The following WWOX variants were observed in gnomAD, a reference collection of about 807,000 sequenced individuals.
WWOX encodes the protein WW domain-containing oxidoreductase.
A neutral mutation model predicts 46.2 loss-of-function variants in WWOX; 69 were observed. The observed-to-expected ratio is 1.49, with a 90% confidence interval of 1.23 to 1.82. The LOEUF is 1.82. WWOX is among the 40% of genes most tolerant of loss of function. The probability of loss-of-function intolerance (pLI) is 0.00; values close to 1 mark genes in which losing one functional copy is unlikely to be tolerated. For synonymous variants in WWOX, 359 were observed against 202.6 expected (o/e 1.77, Z -6.56); for missense variants, 919 against 542.6 (o/e 1.69, Z -6.89).
At chr16:78,884,273 C>CAA (rs71384384) in intron 8 of WWOX, among the ~76,000 whole-genome samples, 2,593 of 46,500 alleles carry the variant, frequency 0.056, 137 homozygotes, top group East Asian at 0.34. Flanking sequence ...ACCCTGTCTC[C>CAA]AAAAAAAAAA....
intron 6 of WWOX, among the ~76,000 whole-genome samples, chr16:78,406,725 C>G (rs1004772984): frequency 2.0e-5 from 3 of 151,194 alleles, no homozygotes; most frequent in Non-Finnish European, 4.4e-5. Flanking sequence ...CTCCGGGGTT[C>G]AAGCGATTCT....
chr16:78,908,541 G>GAAA (rs111272074), intron 8 of WWOX, among the ~76,000 whole-genome samples: 331 of 145,978 alleles, frequency 2.3e-3, no homozygotes, highest in Middle Eastern at 7.1e-3. Context: ...CTCTGTCTCG[G>GAAA]AAAAAAAAAA....
chr16:78,678,443 T>C (rs1318725190), intron 8 of WWOX, among the ~76,000 whole-genome samples: 1 of 152,206 alleles, frequency 6.6e-6, no homozygotes, highest in Non-Finnish European at 1.5e-5. Flanking sequence ...CCTCAATCTT[T>C]ATAGAAACTC....
At chr16:78,662,448 A>G (rs2142175932) in intron 8 of WWOX, among the ~76,000 whole-genome samples, 1 of 152,008 alleles carries the variant, frequency 6.6e-6, no homozygotes, top group East Asian at 1.9e-4. Flanking sequence ...ACAGTATTGG[A>G]AATTATTACT....
chr16:78,314,568 A>G (rs1288837143), intron 5 of WWOX, among the ~76,000 whole-genome samples: 1 of 136,676 alleles, frequency 7.3e-6, no homozygotes. Context: ...CTTGTCGCCC[A>G]GGCTGGAGTG....
intron 4 of WWOX, among the ~76,000 whole-genome samples, chr16:78,144,600 C>T (rs1325235286): frequency 6.9e-6 from 1 of 144,204 alleles, no homozygotes; most frequent in East Asian, 2.0e-4. Context: ...GAGCTCACTG[C>T]AACCTCTGCC....
intron 5 of WWOX, among the ~76,000 whole-genome samples, chr16:78,295,114 G>T (rs1303287780): frequency 6.6e-6 from 1 of 152,124 alleles, no homozygotes; most frequent in Non-Finnish European, 1.5e-5. Flanking sequence ...GGAAATCCAG[G>T]AGTCTCATGT....
intron 8 of WWOX, among the ~76,000 whole-genome samples, chr16:78,960,481 T>G (rs1320383315): frequency 6.6e-6 from 1 of 152,234 alleles, no homozygotes; most frequent in Non-Finnish European, 1.5e-5. Context: ...TTGCTTTAGC[T>G]TAAATCTACT....
At chr16:78,179,295 G>C (rs1442843840) in intron 5 of WWOX, among the ~76,000 whole-genome samples, 1 of 152,190 alleles carries the variant, frequency 6.6e-6, no homozygotes, top group Non-Finnish European at 1.5e-5. Context: ...AATTAGTAAA[G>C]TCATTTGTCC....
intron 8 of WWOX, among the ~76,000 whole-genome samples, chr16:78,764,082 T>G (rs7204667): frequency 0.2 from 30,500 of 152,068 alleles, 4,750 homozygotes; most frequent in African/African-American, 0.44. Context: ...GAAGGGTTGA[T>G]GTGAGTAGGA....
intron 5 of WWOX, among the ~76,000 whole-genome samples, chr16:78,359,424 C>G (rs1364521122): frequency 6.6e-6 from 1 of 152,052 alleles, no homozygotes; most frequent in Non-Finnish European, 1.5e-5. Flanking sequence ...ATCATGAGAG[C>G]CCCCAAATTG....
Position 79,061,773 on chromosome 16 carries a change from T to C in WWOX, c.1057-149835T>C, listed in dbSNP as rs143347602. ...AAGGTTTTGAGCATATTAACAGCAATACTGATCATAGCTAATATGCCTCTA... is the reference window on the plus strand; with the variant it reads ...AAGGTTTTGAGCATATTAACAGCAACACTGATCATAGCTAATATGCCTCTA... On this transcript the variant is annotated intron_variant, in intron 8 of 8. Coordinates refer to ENST00000566780, the MANE Select transcript of WWOX (RefSeq NM_016373.4). Among the ~76,000 whole-genome samples the C allele has an allele frequency of 8.8e-4, 131 of 148,282 alleles. No individual in the cohort carries two copies. In the East Asian group the frequency reaches 0.021, roughly 24 times the overall value.
At chr16:78,971,326 G>C (rs1315434348) in intron 8 of WWOX, among the ~76,000 whole-genome samples, 1 of 150,032 alleles carries the variant, frequency 6.7e-6, no homozygotes, top group Non-Finnish European at 1.5e-5. Flanking sequence ...TAGGTGGCAG[G>C]CACTTGTAAT....
At chr16:78,302,985 C>G (rs991556197) in intron 5 of WWOX, among the ~76,000 whole-genome samples, 4 of 152,138 alleles carry the variant, frequency 2.6e-5, no homozygotes, top group Non-Finnish European at 5.9e-5. Context: ...GAGCCTTTCT[C>G]AGAGGACCTG....
chr16:78,406,688 G>A (rs1251753200), intron 6 of WWOX, among the ~76,000 whole-genome samples: 13 of 150,132 alleles, frequency 8.7e-5, no homozygotes, highest in East Asian at 2.0e-4. Flanking sequence ...GTGTAGTGGC[G>A]CAATCTCGGC....
intron 8 of WWOX, among the ~76,000 whole-genome samples, chr16:78,538,469 T>C (rs2043812724): frequency 1.3e-5 from 2 of 152,176 alleles, no homozygotes; most frequent in Non-Finnish European, 2.9e-5. Context: ...GTAATGAAGA[T>C]GGAATGACTC....
intron 8 of WWOX, among the ~76,000 whole-genome samples, chr16:78,586,100 T>C (rs2045199197): frequency 6.6e-6 from 1 of 152,100 alleles, no homozygotes; most frequent in South Asian, 2.1e-4. Context: ...CTTATACCTG[T>C]AATCCCAACA....
intron 8 of WWOX, among the ~76,000 whole-genome samples, chr16:78,812,386 A>G (rs1181962021): frequency 1.3e-5 from 2 of 152,032 alleles, no homozygotes; most frequent in African/African-American, 2.4e-5. Flanking sequence ...GGGTAATGTC[A>G]AACAACTTCT....
chr16:79,131,129 C>T (rs2049869804), intron 8 of WWOX, among the ~76,000 whole-genome samples: 1 of 152,160 alleles, frequency 6.6e-6, no homozygotes, highest in African/African-American at 2.4e-5. Flanking sequence ...CATGCTGCCC[C>T]TGCCTCCCGG....
Sources: allele counts gnomAD v4.1 joint callset (sites outside exome capture counted in the v4.1 genomes callset), GRCh38; gene constraint gnomAD v4.1.1; transcripts MANE v1.5; gene names NCBI Gene and HGNC (gene_info 2026-07-23, HGNC 2026-07-21).